IGF2BP2: variants seen among roughly 807,000 people sequenced by gnomAD.
IGF2BP2 encodes the protein insulin-like growth factor 2 mRNA-binding protein 2.
A neutral mutation model predicts 75.8 loss-of-function variants in IGF2BP2; 17 were observed. The ratio of observed to expected loss-of-function variants is 0.22; its 90% confidence interval spans 0.15 to 0.34. IGF2BP2 has a LOEUF of 0.34. IGF2BP2 is among the 10% of genes least tolerant of loss of function. IGF2BP2 has a pLI of 1.00. For missense variants in IGF2BP2, 516 were observed against 772.4 expected (o/e 0.67, Z 3.93); for synonymous variants, 288 against 295.6 (o/e 0.97, Z 0.26).
At chr3:185,791,612 G>C (rs1436476876) in intron 2 of IGF2BP2, among the ~76,000 whole-genome samples, 7 of 152,224 alleles carry the variant, frequency 4.6e-5, no homozygotes, top group Non-Finnish European at 8.8e-5. Context: ...GTGCATCACA[G>C]TGAGCTGACA....
chr3:185,679,574 G>A (rs1720069284), intron 7 of IGF2BP2, among the ~76,000 whole-genome samples: 1 of 151,864 alleles, frequency 6.6e-6, no homozygotes, highest in South Asian at 2.1e-4. Context: ...TTGTGTTGCT[G>A]TCTATCATTC....
At position 185,811,266 on chromosome 3, in the gene IGF2BP2, A is replaced by T. The variant is rs572161022; in HGVS notation, c.239+11887T>A. On this transcript the variant is annotated intron_variant, in intron 2 of 15. Coordinates refer to ENST00000382199, the MANE Select transcript of IGF2BP2 (RefSeq NM_006548.6). ...GATTTTGAGTTTCCAAACAGCTATC[A>T]TCATTAGATAAGATCCATACGAGTT... 6.6e-5 allele frequency among the ~76,000 whole-genome samples: 10 copies of T among 152,340 alleles called. 1 individual carries two copies. In the South Asian group the frequency reaches 1.7e-3, roughly 25 times the overall value.
Position 185,649,473 on chromosome 3 carries a change from ACTT to A in IGF2BP2, c.1520_1522del (p.Glu507del). The A allele has an allele frequency of 6.2e-7, 1 of 1,614,042 alleles. No homozygotes were observed. Among genetic ancestry groups the A allele is most frequent in the South Asian group, 1.1e-5 (1 of 91,072 alleles). On this transcript the variant is annotated inframe_deletion, in exon 14 of 16. Coordinates refer to ENST00000382199, the MANE Select transcript of IGF2BP2 (RefSeq NM_006548.6). ...CACTCTGATATGCGCTTCCAGCTTC[ACTT>A]CTTCTTTGGGGTTAAAGAAGTTTTC...
intron 2 of IGF2BP2, among the ~76,000 whole-genome samples, chr3:185,726,050 T>C (rs939016856): frequency 1.3e-5 from 2 of 152,206 alleles, no homozygotes; most frequent in African/African-American, 4.8e-5. Flanking sequence ...TGAGATCACC[T>C]CTCAGATCAT....
Position 185,665,254 on chromosome 3 carries a change from AAGGAGGAGGAGG to A in IGF2BP2, c.1201-6857_1201-6846del, listed in dbSNP as rs1178673063. On this transcript the variant is annotated intron_variant, in intron 10 of 15. Coordinates refer to ENST00000382199, the MANE Select transcript of IGF2BP2 (RefSeq NM_006548.6). ...GGAGGAGGAGAAGGAGAAGAAGGAG[AAGGAGGAGGAGG>A]AGGAGGAGAAGGAGAAGAAGAAGAA... Among the ~76,000 whole-genome samples, 3 of 114,930 alleles carry A rather than the reference AAGGAGGAGGAGG, an allele frequency of 2.6e-5. No homozygotes were observed. The East Asian group carries it at 8.4e-4, about 32-fold the overall frequency. The allele number at this position is 114,930 out of a possible 152,430, so 75.4% of individuals were successfully genotyped here. A position where few individuals can be genotyped will look rare whatever the true frequency, so the allele number is the denominator to read the frequency against.
intron 10 of IGF2BP2, among the ~76,000 whole-genome samples, chr3:185,665,812 G>C (rs1247050199): frequency 6.6e-6 from 1 of 152,048 alleles, no homozygotes; most frequent in African/African-American, 2.4e-5. Flanking sequence ...ACCAAAAATA[G>C]AAAAATTAGC....
rs1262308111 is a variant in IGF2BP2 at position 185,825,029 on chromosome 3, C to T, written c.-69G>A. 7.9e-7 allele frequency: 1 copy of T among 1,259,980 alleles called. No individual in the cohort carries two copies. The highest frequency in any genetic ancestry group is 1.1e-6 in the Non-Finnish European group (1 of 944,432). The allele number at this position is 1,259,980 out of a possible 1,614,324, so 78.1% of individuals were successfully genotyped here. A position where few individuals can be genotyped will look rare whatever the true frequency, so the allele number is the denominator to read the frequency against. On this transcript the variant is annotated 5_prime_UTR_variant, in exon 1 of 16. Transcript: ENST00000382199. ...CGGCGCTCCTCGCCTCCTCCGCTGC[C>T]CTCGTCTCTCCTCCTCCTCCGCCCC...
At chr3:185,820,107 G>A (rs1289676854) in intron 2 of IGF2BP2, among the ~76,000 whole-genome samples, 1 of 151,836 alleles carries the variant, frequency 6.6e-6, no homozygotes, top group African/African-American at 2.4e-5. Flanking sequence ...GGCAGAAACT[G>A]CATTTTTCAA....
chr3:185,681,805 C>T (rs778720412), intron 7 of IGF2BP2, among the ~76,000 whole-genome samples: 6 of 152,122 alleles, frequency 3.9e-5, no homozygotes, highest in Non-Finnish European at 8.8e-5. Context: ...GCTGAGACCA[C>T]TAGATGGGGA....
chr3:185,751,567 G>A (rs1730970228), intron 2 of IGF2BP2, among the ~76,000 whole-genome samples: 1 of 149,964 alleles, frequency 6.7e-6, no homozygotes, highest in African/African-American at 2.5e-5. Context: ...AATTGCTTGA[G>A]GCAGGAGACG....
At chr3:185,676,355 G>A (rs1160633725) in intron 7 of IGF2BP2, among the ~76,000 whole-genome samples, 1 of 152,134 alleles carries the variant, frequency 6.6e-6, no homozygotes. Context: ...CAGCTGAGAA[G>A]CTATAATATG....
chr3:185,709,376 T>C (rs1441514492), intron 2 of IGF2BP2, among the ~76,000 whole-genome samples: 1 of 152,196 alleles, frequency 6.6e-6, no homozygotes, highest in Non-Finnish European at 1.5e-5. Flanking sequence ...GCCCAAGCAG[T>C]GTCTGGAGCA....
chr3:185,727,389 A>G (rs1727498368), intron 2 of IGF2BP2, among the ~76,000 whole-genome samples: 1 of 152,154 alleles, frequency 6.6e-6, no homozygotes, highest in South Asian at 2.1e-4. Flanking sequence ...TAGCCTCCTC[A>G]CTTGGGGCAG....
intron 2 of IGF2BP2, among the ~76,000 whole-genome samples, chr3:185,774,212 G>A (rs2149768727): frequency 6.6e-6 from 1 of 152,266 alleles, no homozygotes; most frequent in Non-Finnish European, 1.5e-5. Context: ...GAGGGAGACG[G>A]TTACACAGGG....
chr3:185,672,431 G>A (rs148178401), intron 10 of IGF2BP2, 110 bp downstream of exon 10: 8 of 1,122,980 alleles, frequency 7.1e-6, no homozygotes, highest in East Asian at 2.6e-5. Context: ...ATCTCTACTC[G>A]AGCATGGCCT....
intron 2 of IGF2BP2, among the ~76,000 whole-genome samples, chr3:185,723,605 C>T (rs1244365756): frequency 2.6e-5 from 4 of 152,168 alleles, no homozygotes; most frequent in African/African-American, 9.7e-5. Context: ...CTGGGCCAAG[C>T]CCCTCAGGAG....
At chr3:185,704,462 T>A (rs1445153731) in intron 2 of IGF2BP2, among the ~76,000 whole-genome samples, 2 of 152,128 alleles carry the variant, frequency 1.3e-5, no homozygotes, top group Non-Finnish European at 2.9e-5. Context: ...ACTGTCTCTT[T>A]TTTTTGAGAC....
intron 2 of IGF2BP2, among the ~76,000 whole-genome samples, chr3:185,756,281 C>T (rs1731607459): frequency 6.6e-6 from 1 of 152,154 alleles, no homozygotes; most frequent in African/African-American, 2.4e-5. Flanking sequence ...GAAGCCTCAC[C>T]AGAAGCCAGG....
At chr3:185,702,110 T>C (rs969140653) in intron 2 of IGF2BP2, among the ~76,000 whole-genome samples, 20 of 152,166 alleles carry the variant, frequency 1.3e-4, no homozygotes, top group Non-Finnish European at 2.9e-5. Context: ...TAATTACTTA[T>C]CTGCTAGTGC....
Sources: gnomAD v4.1 joint callset for allele counts (sites outside exome capture counted in the v4.1 genomes callset) on GRCh38, gnomAD v4.1.1 for gene constraint, MANE v1.5 for transcripts, NCBI Gene and HGNC (gene_info 2026-07-23, HGNC 2026-07-21) for gene names.